The following ST6GALNAC3 variants were observed in gnomAD, a reference collection of about 807,000 sequenced individuals.
ST6GALNAC3 encodes alpha-N-acetylgalactosaminide alpha-2,6-sialyltransferase 3.
In ST6GALNAC3, 25 loss-of-function variants were observed where a neutral mutation model predicts 32.7. The ratio of observed to expected loss-of-function variants is 0.76; its 90% CI spans 0.56 to 1.07. The LOEUF (loss-of-function observed/expected upper bound fraction) is 1.07. Ranked by LOEUF, ST6GALNAC3 falls within the 50% of genes least tolerant of loss-of-function variation. ST6GALNAC3 has a pLI of 0.00. For missense variants in ST6GALNAC3, 355 were observed against 382.4 expected, an observed-to-expected ratio of 0.93 and a Z score of 0.60; for synonymous variants, 129 against 133.1, an observed-to-expected ratio of 0.97 and a Z score of 0.21.
At chr1:76,440,391 G>C (rs564900203) in intron 3 of ST6GALNAC3, among the ~76,000 whole-genome samples, 2 of 152,232 alleles carry the variant, frequency 1.3e-5, no homozygotes, top group South Asian at 2.1e-4. Flanking sequence ...ATGGAGCTCA[G>C]TGACTAACTG....
At chr1:76,139,199 A>G (rs1041201709) in intron 1 of ST6GALNAC3, among the ~76,000 whole-genome samples, 6 of 139,448 alleles carry the variant, frequency 4.3e-5, no homozygotes, top group African/African-American at 1.1e-4. Context: ...GTCTCAATGG[A>G]AAAAAAAAAA....
At position 76,599,393 on chromosome 1, in the gene ST6GALNAC3, C is replaced by G. The variant is rs11802749; in HGVS notation, c.624-28059C>G. On this transcript the variant is annotated intron_variant, in intron 3 of 4. Coordinates refer to ENST00000328299, the MANE Select transcript of ST6GALNAC3 (RefSeq NM_152996.4). ...TTTTCTGCACCCATCCACCCATTAT[C>G]TAGGTTTTAAGCCCCACATGCATTA... is the stretch of plus-strand genomic sequence containing the variant. Among the ~76,000 whole-genome samples, 890 of 152,176 alleles carry G rather than the reference C, an allele frequency of 5.8e-3. 7 individuals carry two copies. The highest frequency in any genetic ancestry group is 0.02 in the African/African-American group (841 of 41,514).
At chr1:76,378,835 C>G (rs1446268246) in intron 2 of ST6GALNAC3, among the ~76,000 whole-genome samples, 1 of 152,056 alleles carries the variant, frequency 6.6e-6, no homozygotes, top group African/African-American at 2.4e-5. Context: ...TCCTTCATTC[C>G]CAACTTTTAT....
chr1:76,286,104 A>G (rs1278597435), intron 1 of ST6GALNAC3, among the ~76,000 whole-genome samples: 1 of 152,186 alleles, frequency 6.6e-6, no homozygotes, highest in Non-Finnish European at 1.5e-5. Flanking sequence ...GCCTCCCAGG[A>G]TCAAATATGT....
chr1:76,583,222 G>T (rs982608049), intron 3 of ST6GALNAC3, among the ~76,000 whole-genome samples: 1 of 152,072 alleles, frequency 6.6e-6, no homozygotes, highest in African/African-American at 2.4e-5. Flanking sequence ...AGCAATGTTT[G>T]TTATGTACCC....
intron 1 of ST6GALNAC3, among the ~76,000 whole-genome samples, chr1:76,216,835 G>T (rs1024260487): frequency 1.1e-4 from 16 of 152,156 alleles, no homozygotes; most frequent in Admixed American, 6.5e-4. Context: ...AAAAATTAGT[G>T]CTTTGTCATC....
chr1:76,556,558 A>T (rs1455696228), intron 3 of ST6GALNAC3, among the ~76,000 whole-genome samples: 1 of 151,952 alleles, frequency 6.6e-6, no homozygotes, highest in African/African-American at 2.4e-5. Context: ...ATTATCTATC[A>T]TTCTGATAGT....
At chr1:76,172,633 C>G (rs924871234) in intron 1 of ST6GALNAC3, among the ~76,000 whole-genome samples, 3 of 152,130 alleles carry the variant, frequency 2.0e-5, no homozygotes, top group Non-Finnish European at 4.4e-5. Context: ...GCAACTTCAG[C>G]AAAGTCTCAG....
intron 3 of ST6GALNAC3, among the ~76,000 whole-genome samples, chr1:76,486,611 A>G (rs897874227): frequency 6.6e-5 from 10 of 151,912 alleles, no homozygotes; most frequent in African/African-American, 2.2e-4. Flanking sequence ...TTTTGAGCCT[A>G]TATGTGTCTC....
intron 2 of ST6GALNAC3, among the ~76,000 whole-genome samples, chr1:76,401,573 C>A (rs1216305789): frequency 6.6e-6 from 1 of 151,972 alleles, no homozygotes; most frequent in Non-Finnish European, 1.5e-5. Context: ...GTGTATGGGG[C>A]ATTGTGCTTA....
chr1:76,401,464 C>G (rs371245055), intron 2 of ST6GALNAC3, among the ~76,000 whole-genome samples: 4 of 152,242 alleles, frequency 2.6e-5, no homozygotes, highest in Admixed American at 2.0e-4. Flanking sequence ...TTGTTTTAGT[C>G]TATATCCTGT....
intron 1 of ST6GALNAC3, among the ~76,000 whole-genome samples, chr1:76,101,658 G>A (rs1210645547): frequency 6.6e-6 from 1 of 152,150 alleles, no homozygotes; most frequent in African/African-American, 2.4e-5. Flanking sequence ...GAAGTGGTTA[G>A]TAGATTCTCA....
chr1:76,512,215 A>C (rs1002449), intron 3 of ST6GALNAC3, among the ~76,000 whole-genome samples: 16,283 of 152,198 alleles, frequency 0.11, 1,083 homozygotes, highest in South Asian at 0.26. Flanking sequence ...CTATGAAAAA[A>C]ATAGAATAAA....
chr1:76,608,802 C>A (rs188921317), intron 3 of ST6GALNAC3, among the ~76,000 whole-genome samples: 1 of 152,042 alleles, frequency 6.6e-6, no homozygotes, highest in African/African-American at 2.4e-5. Context: ...GATATTTTTG[C>A]ACCAGTGGAA....
chr1:76,477,363 C>T (rs1420341292), intron 3 of ST6GALNAC3, among the ~76,000 whole-genome samples: 1 of 152,152 alleles, frequency 6.6e-6, no homozygotes, highest in South Asian at 2.1e-4. Flanking sequence ...AAAGGAGCCT[C>T]TCAGCTGAGG....
chr1:76,541,931 A>AC (rs1476121792), intron 3 of ST6GALNAC3, among the ~76,000 whole-genome samples: 1 of 152,076 alleles, frequency 6.6e-6, no homozygotes, highest in African/African-American at 2.4e-5. Flanking sequence ...AGTACTATTC[A>AC]CCCCTTCTGT....
chr1:76,574,462 C>G (rs974358322), intron 3 of ST6GALNAC3, among the ~76,000 whole-genome samples: 1 of 151,956 alleles, frequency 6.6e-6, no homozygotes, highest in Non-Finnish European at 1.5e-5. Flanking sequence ...TGGCTGAATC[C>G]TCTCCCTGAT....
chr1:76,453,458 A>C (rs1190374566), intron 3 of ST6GALNAC3, among the ~76,000 whole-genome samples: 1 of 152,026 alleles, frequency 6.6e-6, no homozygotes, highest in Non-Finnish European at 1.5e-5. Context: ...TGTATCCCAG[A>C]GGTTTTGATA....
rs1380211815 is a variant in ST6GALNAC3, at chr1:76,533,039, T to C, written c.624-94413T>C. 2.0e-5 allele frequency among the ~76,000 whole-genome samples: 3 copies of C among 152,126 alleles called. 1 individual carries two copies. The highest frequency in any genetic ancestry group is 1.5e-5 in the Non-Finnish European group (1 of 68,026). On this transcript the variant is annotated intron_variant, in intron 3 of 4. Coordinates refer to ENST00000328299, the MANE Select transcript of ST6GALNAC3 (RefSeq NM_152996.4). Reference sequence around the variant, plus strand: ...TCCCTAAAAGATATTTAATTTCCACTGGGCATAATAACTTGCAGCTGCCAG... The same window carrying C: ...TCCCTAAAAGATATTTAATTTCCACCGGGCATAATAACTTGCAGCTGCCAG...
Sources: allele counts gnomAD v4.1 joint callset (sites outside exome capture counted in the v4.1 genomes callset), GRCh38; gene constraint gnomAD v4.1.1; transcripts MANE v1.5; gene names NCBI Gene and HGNC (gene_info 2026-07-23, HGNC 2026-07-21).